The following RIC1 variants were observed in gnomAD, a reference collection of about 807,000 sequenced individuals.
The protein encoded by RIC1 is RIC1 partner of RAB6A GEF complex.
Under a neutral mutation model 169.0 loss-of-function variants are expected in RIC1, and 88 were observed. The ratio of observed to expected loss-of-function variants is 0.52; its 90% confidence interval spans 0.44 to 0.62. The LOEUF (loss-of-function observed/expected upper bound fraction) is 0.62, where lower values mean the gene tolerates loss of function less well. Among genes scored for constraint, RIC1 ranks in the 20% least tolerant of loss-of-function variants. The probability of loss-of-function intolerance (pLI) is 0.00; values close to 1 mark genes in which losing one functional copy is unlikely to be tolerated. For synonymous variants in RIC1, 790 were observed against 601.5 expected, an observed-to-expected ratio of 1.31 and a Z score of -4.59; for missense variants, 1,877 against 1,725.5, an observed-to-expected ratio of 1.09 and a Z score of -1.56.
intron 1 of RIC1, among the ~76,000 whole-genome samples, chr9:5,635,536 C>T (rs1180118234): frequency 6.6e-6 from 1 of 152,242 alleles, no homozygotes; most frequent in Non-Finnish European, 1.5e-5. Context: ...TTGCATTGGT[C>T]TATGTATCTC....
intron 3 of RIC1, among the ~76,000 whole-genome samples, chr9:5,710,907 G>A (rs1297421124): frequency 6.6e-6 from 1 of 152,052 alleles, no homozygotes. Context: ...AGAGAAAAGA[G>A]AAAATTAGAG....
At chr9:5,722,663 C>G (rs1462945194) in intron 6 of RIC1, among the ~76,000 whole-genome samples, 1 of 152,068 alleles carries the variant, frequency 6.6e-6, no homozygotes, top group Non-Finnish European at 1.5e-5. Flanking sequence ...CCCATTAACT[C>G]GTCATTTACA....
intron 1 of RIC1, 96 bp downstream of exon 1, chr9:5,629,549 C>G (rs1437398727): frequency 1.5e-6 from 2 of 1,321,220 alleles, no homozygotes; most frequent in Non-Finnish European, 1.0e-6. Context: ...GACTCCTGCC[C>G]CTTCGTGCCA....
chr9:5,758,021 A>G (rs933317989), intron 17 of RIC1, among the ~76,000 whole-genome samples: 2 of 152,190 alleles, frequency 1.3e-5, no homozygotes, highest in Admixed American at 1.3e-4. Context: ...AAGGAGGAAA[A>G]TGAACTGAAG....
rs866527422 is a variant in RIC1 at position 5,772,705 on chromosome 9, C to A, written c.3758C>A (p.Ala1253Asp). 6.2e-7 allele frequency: 1 copy of A among 1,611,150 alleles called. No homozygotes were observed. Among genetic ancestry groups the A allele is most frequent in the Non-Finnish European group, 8.5e-7 (1 of 1,179,210 alleles). Reference protein sequence around the residue: ...SELEHISMELASKGPHKSQVQ... With the variant: ...SELEHISMELDSKGPHKSQVQ... ...CTGGAGCACATTTCCATGGAGTTGG[C>A]CAGTAAAGGGCCTCATAAATCCCAG... The change falls in exon 24 of 26, where the codon GCC becomes GAC. Residue 1253 changes from alanine (A) to aspartate (D), a missense_variant. Around this residue, in one of 3 missense-constraint regions of RIC1, gnomAD observed 681 missense variants for 582.0 expected, o/e 1.17. Coordinates refer to ENST00000414202, the MANE Select transcript of RIC1 (RefSeq NM_020829.4).
At chr9:5,681,569 G>A (rs1050343134) in intron 2 of RIC1, among the ~76,000 whole-genome samples, 9 of 152,078 alleles carry the variant, frequency 5.9e-5, no homozygotes, top group African/African-American at 1.9e-4. Flanking sequence ...CAAACTATGT[G>A]GTCAATTTTG....
intron 1 of RIC1, among the ~76,000 whole-genome samples, chr9:5,632,409 C>G (rs546696981): frequency 5.9e-5 from 9 of 152,164 alleles, no homozygotes; most frequent in Admixed American, 1.3e-4. Flanking sequence ...CTACTGTCCT[C>G]TATTCTAAGT....
intron 2 of RIC1, among the ~76,000 whole-genome samples, chr9:5,678,524 T>C (rs1409651097): frequency 6.6e-6 from 1 of 151,948 alleles, no homozygotes; most frequent in Non-Finnish European, 1.5e-5. Context: ...TTCCTGACTT[T>C]TTAATGATTG....
chr9:5,692,455 G>A (rs1821640759), intron 3 of RIC1, among the ~76,000 whole-genome samples: 1 of 151,832 alleles, frequency 6.6e-6, no homozygotes, highest in South Asian at 2.1e-4. Flanking sequence ...TCATTTCTAA[G>A]CTTTTAAGTA....
intron 6 of RIC1, among the ~76,000 whole-genome samples, chr9:5,725,032 T>C (rs1329209371): frequency 6.6e-6 from 1 of 152,200 alleles, no homozygotes; most frequent in Admixed American, 6.5e-5. Context: ...TTTTGTTGTG[T>C]CTCTGCCAGG....
intron 7 of RIC1, among the ~76,000 whole-genome samples, chr9:5,733,313 G>C (rs1432508901): frequency 2.0e-5 from 3 of 150,564 alleles, no homozygotes; most frequent in Non-Finnish European, 3.0e-5. Flanking sequence ...GCCCAGGCTG[G>C]AGTGCAGTGG....
chr9:5,691,004 T>C (rs544278995), intron 3 of RIC1, among the ~76,000 whole-genome samples: 7 of 152,064 alleles, frequency 4.6e-5, no homozygotes, highest in Admixed American at 4.6e-4. Flanking sequence ...TATTTTTTAA[T>C]AATTAAAGAA....
chr9:5,663,366 G>C (rs889313229), intron 2 of RIC1, among the ~76,000 whole-genome samples: 1 of 152,034 alleles, frequency 6.6e-6, no homozygotes, highest in Non-Finnish European at 1.5e-5. Flanking sequence ...GCTAAGTTCA[G>C]ATCATGAATA....
chr9:5,666,840 A>T (rs1819800768), intron 2 of RIC1, among the ~76,000 whole-genome samples: 1 of 152,156 alleles, frequency 6.6e-6, no homozygotes, highest in South Asian at 2.1e-4. Flanking sequence ...GGTAGATTGT[A>T]TGTTTTTAGA....
chr9:5,713,871 T>C, intron 3 of RIC1, 25 bp from the exon 4 acceptor site: 1 of 1,552,808 alleles, frequency 6.4e-7, no homozygotes, highest in South Asian at 1.1e-5. Context: ...AGCATCTTTC[T>C]TTAACTCTAT....
chr9:5,679,178 G>A (rs971919189), intron 2 of RIC1, among the ~76,000 whole-genome samples: 22 of 152,012 alleles, frequency 1.4e-4, no homozygotes, highest in Non-Finnish European at 2.9e-5. Flanking sequence ...TATTTCTGAG[G>A]GCTCTGTTCT....
chr9:5,670,830 C>G (rs1368399702), intron 2 of RIC1, among the ~76,000 whole-genome samples: 1 of 152,114 alleles, frequency 6.6e-6, no homozygotes, highest in African/African-American at 2.4e-5. Context: ...TATTTGGAGG[C>G]TAGGGTTTTT....
At chr9:5,721,773 C>T (rs1301548808) in intron 6 of RIC1, among the ~76,000 whole-genome samples, 1 of 152,148 alleles carries the variant, frequency 6.6e-6, no homozygotes, top group African/African-American at 2.4e-5. Flanking sequence ...TTGTTCTTTA[C>T]ATTTGCTTAA....
At position 5,756,266 on chromosome 9, in the gene RIC1, AAAGCAC is replaced by A; in HGVS notation, c.1753_1758del (p.Gln585_Ala586del). On this transcript the variant is annotated inframe_deletion, in exon 16 of 26. Transcript: ENST00000414202. Reference sequence around the variant, plus strand: ...GGACAATGCCTTTGCTCATGTCACCAAAGCACAAGCAGAAACATTACTGCTTAGTGT... The same window carrying A: ...GGACAATGCCTTTGCTCATGTCACCAAAGCAGAAACATTACTGCTTAGTGT... 1 of 1,605,184 alleles carries A rather than the reference AAAGCAC, an allele frequency of 6.2e-7. No individual in the cohort carries two copies. Among genetic ancestry groups the A allele is most frequent in the Non-Finnish European group, 8.5e-7 (1 of 1,174,510 alleles).
Sources: gnomAD v4.1 joint callset for allele counts (sites outside exome capture counted in the v4.1 genomes callset) on GRCh38, gnomAD v4.1.1 for gene constraint, gnomAD v4.1.1 regional missense constraint, MANE v1.5 for transcripts, NCBI Gene and HGNC (gene_info 2026-07-23, HGNC 2026-07-21) for gene names.